The following FYB2 variants were observed in gnomAD, a reference collection of about 807,000 sequenced individuals.
The protein encoded by FYB2 is FYN-binding protein 2.
FYB2 carries 103 observed loss-of-function variants against 94.1 expected under a neutral mutation model. The observed-to-expected ratio is 1.09, with a 90% CI of 0.93 to 1.29. The LOEUF (loss-of-function observed/expected upper bound fraction) is 1.29. Ranked by LOEUF, FYB2 falls within the 50% of genes most tolerant of loss-of-function variation. The pLI, the probability that FYB2 is intolerant of heterozygous loss-of-function variation, is 0.00. For synonymous variants in FYB2, 293 were observed against 287.9 expected, an observed-to-expected ratio of 1.02 and a Z score of -0.18; for missense variants, 896 against 841.5, an observed-to-expected ratio of 1.06 and a Z score of -0.80.
rs1391753886 is a variant in FYB2, at chr1:56,719,684, C to A, written c.2174G>T (p.Ser725Ile). ...LIEHLDFKHQ[S>I]WSP The stretch of plus-strand genomic sequence containing the variant: ...ATCTTGATTTTTCTAAGGTGACCAA[C>A]TTTGATGCCTGTGAAAAAATAAAAA... The change falls in exon 20 of 20, where the codon AGT becomes ATT. Residue 725 changes from serine (S) to isoleucine (I), a missense_variant. Ser to Ile is a moderately radical substitution (Grantham distance 142). Transcript: ENST00000343433. 2 of 1,594,120 alleles carry A rather than the reference C, an allele frequency of 1.3e-6. No individual in the cohort carries two copies. Among genetic ancestry groups the A allele is most frequent in the Non-Finnish European group, 1.7e-6 (2 of 1,167,332 alleles).
intron 1 of FYB2, among the ~76,000 whole-genome samples, chr1:56,796,638 C>A (rs981156554): frequency 1.7e-4 from 26 of 152,164 alleles, no homozygotes; most frequent in African/African-American, 6.3e-4. Context: ...AGCTCAAATT[C>A]TTTTGCTTAG....
chr1:56,766,740 A>G (rs1173998080), intron 5 of FYB2, among the ~76,000 whole-genome samples: 4 of 151,986 alleles, frequency 2.6e-5, no homozygotes, highest in Admixed American at 2.0e-4. Context: ...CCCGGTCCCA[A>G]CTCCTTATTT....
chr1:56,758,371 C>G (rs1176201585), intron 6 of FYB2, among the ~76,000 whole-genome samples: 1 of 97,166 alleles, frequency 1.0e-5, no homozygotes, highest in Non-Finnish European at 2.2e-5. Flanking sequence ...GCCCAGAAAG[C>G]ATGCCCTAAG....
intron 4 of FYB2, among the ~76,000 whole-genome samples, chr1:56,769,206 T>G (rs1164733180): frequency 2.0e-5 from 3 of 151,986 alleles, no homozygotes; most frequent in Non-Finnish European, 4.4e-5. Context: ...ACCCAGATAA[T>G]TTTTCTGTGT....
At chr1:56,811,759 A>C (rs1646772195) in intron 1 of FYB2, among the ~76,000 whole-genome samples, 1 of 123,880 alleles carries the variant, frequency 8.1e-6, no homozygotes, top group African/African-American at 4.5e-5. Context: ...AATGGACCAA[A>C]CAAACAAACA....
upstream of FYB2, among the ~76,000 whole-genome samples, chr1:56,821,478 C>T (rs767071291): frequency 9.2e-5 from 14 of 152,176 alleles, no homozygotes; most frequent in Admixed American, 6.5e-4. Flanking sequence ...AACTCAGTTT[C>T]CCCACTAGCT....
chr1:56,805,420 A>G (rs1468267463), intron 1 of FYB2, among the ~76,000 whole-genome samples: 2 of 152,234 alleles, frequency 1.3e-5, no homozygotes, highest in Non-Finnish European at 2.9e-5. Context: ...ATGCATTTCC[A>G]GGCACTGCAC....
intron 15 of FYB2, 91 bp downstream of exon 15, chr1:56,736,996 T>C: frequency 2.1e-6 from 2 of 974,694 alleles, no homozygotes; most frequent in South Asian, 2.9e-5. Context: ...TCTCCAAGGA[T>C]CTGAAAAGAT....
chr1:56,753,624 G>C (rs181602705), intron 8 of FYB2, among the ~76,000 whole-genome samples: 2 of 152,182 alleles, frequency 1.3e-5, no homozygotes, highest in African/African-American at 2.4e-5. Context: ...TCTAGTCCCA[G>C]CCCTGCTTCT....
intron 15 of FYB2, among the ~76,000 whole-genome samples, chr1:56,732,369 T>C (rs12129034): frequency 0.39 from 58,782 of 152,028 alleles, 12,926 homozygotes; most frequent in Admixed American, 0.56. Flanking sequence ...TGCTCATAGA[T>C]TGGAAGAATT....
intron 13 of FYB2, 42 bp downstream of exon 13, chr1:56,740,655 G>A (rs187522944): frequency 3.4e-5 from 41 of 1,213,772 alleles, no homozygotes; most frequent in Admixed American, 2.2e-4. Context: ...GTATCTACCA[G>A]GTTAATCCCC....
upstream of FYB2, among the ~76,000 whole-genome samples, chr1:56,820,242 AG>A (rs1646975446): frequency 6.6e-6 from 1 of 151,326 alleles, no homozygotes; most frequent in Non-Finnish European, 1.5e-5. Flanking sequence ...AAAAAAAAAA[AG>A]TGAGGAAACT....
intron 4 of FYB2, 47 bp downstream of exon 4, chr1:56,787,128 C>A: frequency 6.2e-7 from 1 of 1,608,426 alleles, no homozygotes; most frequent in Non-Finnish European, 8.5e-7. Context: ...TCTAAGTAGC[C>A]TCTGTGGTGG....
At chr1:56,742,838 G>T (rs1321221443) in intron 11 of FYB2, among the ~76,000 whole-genome samples, 2 of 151,914 alleles carry the variant, frequency 1.3e-5, no homozygotes, top group African/African-American at 4.8e-5. Context: ...TGGGTTTAAT[G>T]ATATTTAAGG....
Position 56,792,224 on chromosome 1 carries a change from G to A in FYB2, c.589C>T (p.Gln197Ter). 1 of 1,613,734 alleles carries A rather than the reference G, an allele frequency of 6.2e-7. No individual in the cohort carries two copies. Among genetic ancestry groups the A allele is most frequent in the Non-Finnish European group, 8.5e-7 (1 of 1,179,884 alleles). Residue 197 changes from glutamine (Q) to a stop codon, truncating the protein, a stop_gained, in exon 2 of 20, where the codon CAG becomes TAG. Coordinates refer to ENST00000343433, the MANE Select transcript of FYB2 (RefSeq NM_001004303.5). LOFTEE classifies it high-confidence loss of function. ...ETKGAQTLPS[Q>*]KHVVAPKILH... is the part of the protein sequence containing the mutation. Reference sequence around the variant, plus strand: ...ATTTTGGGGGCCACCACGTGCTTCTGGGAAGGAAGAGTCTGGGCTCCTTTT... The same window carrying A: ...ATTTTGGGGGCCACCACGTGCTTCTAGGAAGGAAGAGTCTGGGCTCCTTTT...
chr1:56,762,500 A>C (rs1407636024), intron 5 of FYB2, among the ~76,000 whole-genome samples: 3 of 152,176 alleles, frequency 2.0e-5, no homozygotes, highest in Non-Finnish European at 4.4e-5. Flanking sequence ...TATAAATGAT[A>C]TATTTTTCAA....
At chr1:56,775,989 C>G (rs1645866866) in intron 4 of FYB2, among the ~76,000 whole-genome samples, 1 of 152,184 alleles carries the variant, frequency 6.6e-6, no homozygotes, top group African/African-American at 2.4e-5. Context: ...ATGAGGCATT[C>G]TACAGTTGAG....
At chr1:56,730,722 A>G (rs1290454027) in intron 15 of FYB2, among the ~76,000 whole-genome samples, 1 of 152,120 alleles carries the variant, frequency 6.6e-6, no homozygotes, top group Non-Finnish European at 1.5e-5. Flanking sequence ...AAAAGAATTA[A>G]TACCAAATCT....
chr1:56,763,986 T>TA (rs1645563914), intron 5 of FYB2, among the ~76,000 whole-genome samples: 1 of 151,942 alleles, frequency 6.6e-6, no homozygotes, highest in Non-Finnish European at 1.5e-5. Context: ...GTTTTGCTCT[T>TA]ATTGCCCAGG....
Sources: allele counts gnomAD v4.1 joint callset (sites outside exome capture counted in the v4.1 genomes callset), GRCh38; gene constraint gnomAD v4.1.1; transcripts MANE v1.5; gene names NCBI Gene and HGNC (gene_info 2026-07-23, HGNC 2026-07-21).